DPYSL5: variants seen among roughly 807,000 people sequenced by gnomAD.
DPYSL5 encodes dihydropyrimidinase-related protein 5.
In DPYSL5, 9 loss-of-function variants were observed where a neutral mutation model predicts 58.4. That is an observed-to-expected ratio of 0.15 (90% CI 0.09 to 0.27). DPYSL5 has a LOEUF of 0.27. Among genes scored for constraint, DPYSL5 ranks in the 10% least tolerant of loss-of-function variants. The pLI is 1.00. For synonymous variants in DPYSL5, 293 were observed against 301.9 expected, an observed-to-expected ratio of 0.97 and a Z score of 0.31; for missense variants, 499 against 770.6, an observed-to-expected ratio of 0.65 and a Z score of 4.17.
In DPYSL5 at chr2:26,944,896, C is replaced by T. The variant is rs1572724612; in HGVS notation, c.1609+72C>T. ...TGGCCCACCTAGGCAGTGGGACTTACGCCTGCTTTTCTTTTGTGTCCTCTC... is the reference window on the plus strand; with the variant it reads ...TGGCCCACCTAGGCAGTGGGACTTATGCCTGCTTTTCTTTTGTGTCCTCTC... On this transcript the variant is annotated intron_variant, in intron 12 of 12. Transcript: ENST00000288699. This position sits in a 1 kb window ranked among gnomAD's most constrained non-coding sequence, Gnocchi z 4.4. 18 of 1,463,122 alleles carry T rather than the reference C, an allele frequency of 1.2e-5. No individual in the cohort carries two copies. The highest frequency in any genetic ancestry group is 6.8e-5 in the East Asian group (3 of 44,044). 90.6% of individuals were successfully genotyped at this position (1,463,122 alleles called of 1,614,324 possible).
chr2:26,931,106 T>TCCAG (rs1664960600), intron 5 of DPYSL5, among the ~76,000 whole-genome samples: 2 of 140,978 alleles, frequency 1.4e-5, no homozygotes, highest in Non-Finnish European at 3.0e-5. Context: ...GCCACTGCAC[T>TCCAG]CCAGCCTGGG....
chr2:26,914,265 A>G (rs2148149293), intron 2 of DPYSL5, among the ~76,000 whole-genome samples: 1 of 152,384 alleles, frequency 6.6e-6, no homozygotes, highest in Admixed American at 6.5e-5. Context: ...TGCAGGAGGC[A>G]GAAAGGGACC....
chr2:26,893,640 A>C (rs546370262), intron 1 of DPYSL5, among the ~76,000 whole-genome samples: 1 of 152,222 alleles, frequency 6.6e-6, no homozygotes, highest in East Asian at 1.9e-4. Context: ...TCGTTTATTC[A>C]CCAGTTTTGA....
chr2:26,906,441 A>C (rs4665921), intron 2 of DPYSL5, among the ~76,000 whole-genome samples: 58,918 of 151,884 alleles, frequency 0.39, 11,820 homozygotes, highest in Admixed American at 0.54. Context: ...CTCGGCCTCC[A>C]AAAGGGCTGG....
At chr2:26,918,091 A>G (rs1007675236) in intron 2 of DPYSL5, among the ~76,000 whole-genome samples, 2 of 140,688 alleles carry the variant, frequency 1.4e-5, no homozygotes, top group Non-Finnish European at 3.0e-5. Flanking sequence ...AGCTGAGATC[A>G]TGCCACTGCA....
intron 5 of DPYSL5, among the ~76,000 whole-genome samples, chr2:26,930,559 T>C (rs1293005312): frequency 6.6e-6 from 1 of 152,190 alleles, no homozygotes; most frequent in East Asian, 1.9e-4. Context: ...GTGCAGTGGC[T>C]CACACCTGTA....
chr2:26,934,542 G>T lies in DPYSL5; in HGVS notation c.791-36G>T, dbSNP rs1665123238. The T allele has an allele frequency of 9.4e-6, 15 of 1,598,296 alleles. No homozygotes were observed. Among genetic ancestry groups the T allele is most frequent in the Non-Finnish European group, 1.1e-5 (13 of 1,171,090 alleles). ...CACCAGCGATCGCTCAGGTTCGGTGGCTTCCTGGTTATGGTTCTGACCTTT... is the reference window on the plus strand; with the variant it reads ...CACCAGCGATCGCTCAGGTTCGGTGTCTTCCTGGTTATGGTTCTGACCTTT... On this transcript the variant is annotated intron_variant, in intron 7 of 12. Transcript: ENST00000288699. This position sits in a 1 kb window ranked among gnomAD's most constrained non-coding sequence, Gnocchi z 4.3.
chr2:26,870,708 C>CAAA (rs576919628), intron 1 of DPYSL5, among the ~76,000 whole-genome samples: 4 of 80,404 alleles, frequency 5.0e-5, no homozygotes, highest in African/African-American at 1.3e-4. Context: ...GACTCTGTCT[C>CAAA]AAAAAAAAAA....
At chr2:26,893,724 C>T (rs1263656259) in intron 1 of DPYSL5, among the ~76,000 whole-genome samples, 2 of 151,846 alleles carry the variant, frequency 1.3e-5, no homozygotes, top group Non-Finnish European at 2.9e-5. Flanking sequence ...CTTTGAGGAC[C>T]CTACTCCATA....
At chr2:26,932,208 A>AAAGAAAAGAAAGAAAGAAAGAAAGAAAG (rs1178078504) in intron 6 of DPYSL5, among the ~76,000 whole-genome samples, 4 of 70,170 alleles carry the variant, frequency 5.7e-5, no homozygotes, top group African/African-American at 2.3e-4. Context: ...AGAAAGAAAG[A>AAAGAAAAGAAAGAAAGAAAGAAAGAAAG]AAAGAAAGAA....
rs1487838417 is a variant in DPYSL5 at position 26,934,508 on chromosome 2, A to G, written c.791-70A>G. 10 of 1,545,974 alleles carry G rather than the reference A, an allele frequency of 6.5e-6. No individual in the cohort carries two copies. The highest frequency in any genetic ancestry group is 8.7e-6 in the Non-Finnish European group (10 of 1,143,514). On this transcript the variant is annotated intron_variant, in intron 7 of 12. Transcript: ENST00000288699. The surrounding 1 kb of genome is among the most constrained non-coding windows in gnomAD (Gnocchi z 4.3). ...CCTCAGCTCCTTCACCTGTAAAATGAGAGGCACACACCAGCGATCGCTCAG... is the reference window on the plus strand; with the variant it reads ...CCTCAGCTCCTTCACCTGTAAAATGGGAGGCACACACCAGCGATCGCTCAG...
At chr2:26,914,345 A>C (rs139544676) in intron 2 of DPYSL5, among the ~76,000 whole-genome samples, 15 of 152,314 alleles carry the variant, frequency 9.8e-5, no homozygotes, top group African/African-American at 3.4e-4. Flanking sequence ...AGAGCCTTCT[A>C]TAAGGGAGCG....
At chr2:26,902,662 G>C (rs1444988088) in intron 2 of DPYSL5, among the ~76,000 whole-genome samples, 1 of 152,124 alleles carries the variant, frequency 6.6e-6, no homozygotes, top group African/African-American at 2.4e-5. Flanking sequence ...TCTTAAATAG[G>C]GGCTGGGTAA....
intron 2 of DPYSL5, among the ~76,000 whole-genome samples, chr2:26,904,042 A>G (rs567100641): frequency 6.6e-6 from 1 of 152,268 alleles, no homozygotes; most frequent in African/African-American, 2.4e-5. Context: ...CTTACAGTCA[A>G]CCTGTGGGGG....
At chr2:26,914,740 G>T (rs1175018747) in intron 2 of DPYSL5, among the ~76,000 whole-genome samples, 1 of 152,094 alleles carries the variant, frequency 6.6e-6, no homozygotes, top group Non-Finnish European at 1.5e-5. Context: ...CTGAAATCAG[G>T]GCTTCCTGAA....
chr2:26,865,881 A>G (rs182296104), intron 1 of DPYSL5, among the ~76,000 whole-genome samples: 93 of 152,286 alleles, frequency 6.1e-4, no homozygotes, highest in African/African-American at 2.2e-3. Context: ...CTTGCCCCCC[A>G]CCAGCAATTA....
At chr2:26,907,409 C>G (rs1256795661) in intron 2 of DPYSL5, among the ~76,000 whole-genome samples, 1 of 152,190 alleles carries the variant, frequency 6.6e-6, no homozygotes, top group Non-Finnish European at 1.5e-5. Context: ...CTACTGCGCC[C>G]AGCCCACATT....
intron 2 of DPYSL5, among the ~76,000 whole-genome samples, chr2:26,900,635 G>C (rs1410980837): frequency 2.0e-5 from 3 of 152,168 alleles, no homozygotes; most frequent in African/African-American, 7.2e-5. Context: ...GGTACACTTA[G>C]GTTCAGCTTT....
chr2:26,861,118 C>T (rs545761032), intron 1 of DPYSL5, among the ~76,000 whole-genome samples: 3 of 152,194 alleles, frequency 2.0e-5, no homozygotes, highest in African/African-American at 4.8e-5. Context: ...TGCAGGCCTC[C>T]GAAATAAGAC....
Sources: gnomAD v4.1 joint callset for allele counts (sites outside exome capture counted in the v4.1 genomes callset) on GRCh38, gnomAD v4.1.1 for gene constraint, Gnocchi (gnomAD v3.1) non-coding constraint, MANE v1.5 for transcripts, NCBI Gene and HGNC (gene_info 2026-07-23, HGNC 2026-07-21) for gene names.